The following CTNNA2 variants were observed in gnomAD, a reference collection of about 807,000 sequenced individuals.
CTNNA2 encodes the protein catenin alpha-2.
In CTNNA2, 42 loss-of-function variants were observed where a neutral mutation model predicts 101.0. The ratio of observed to expected loss-of-function variants is 0.42; its 90% confidence interval spans 0.32 to 0.54. CTNNA2 has a LOEUF of 0.54. Ranked by LOEUF, CTNNA2 falls within the 20% of genes least tolerant of loss-of-function variation. CTNNA2 has a pLI of 0.14. For missense variants in CTNNA2, 871 were observed against 1,223.1 expected (o/e 0.71, Z 4.29); for synonymous variants, 450 against 456.4 (o/e 0.99, Z 0.18).
rs991718783 is a variant in CTNNA2 at position 79,338,535 on chromosome 2, T to C, written c.-318+25739T>C. On this transcript the variant is annotated intron_variant, in intron 3 of 21. Coordinates refer to the CTNNA2 transcript ENST00000466387. ...AGGGACATGAAAATACTTTAAGAAGTGAGTAAAGAGGACCATTTTTCTTCT... is the reference window on the plus strand; with the variant it reads ...AGGGACATGAAAATACTTTAAGAAGCGAGTAAAGAGGACCATTTTTCTTCT... Among the ~76,000 whole-genome samples the C allele has an allele frequency of 6.5e-4, 98 of 151,604 alleles. 1 individual carries two copies. The highest frequency in any genetic ancestry group is 8.8e-5 in the Non-Finnish European group (6 of 67,856).
intron 4 of CTNNA2, among the ~76,000 whole-genome samples, chr2:79,863,065 A>T (rs1032319119): frequency 6.6e-6 from 1 of 152,124 alleles, no homozygotes; most frequent in Non-Finnish European, 1.5e-5. Context: ...GTGCTTGCCA[A>T]CCGTTTTGAA....
Position 80,512,414 on chromosome 2 carries a change from A to G in CTNNA2, c.1291-32568A>G, listed in dbSNP as rs558686555. On this transcript the variant is annotated intron_variant, in intron 9 of 18. Transcript: ENST00000402739. The stretch of plus-strand genomic sequence containing the variant: ...GAAAATGGTAATAATTCCATGGCTG[A>G]GACTCTGGCTGTGTAGGTTTAAAAG... 3.9e-5 allele frequency among the ~76,000 whole-genome samples: 6 copies of G among 152,262 alleles called. No individual in the cohort carries two copies. The East Asian group carries it at 7.7e-4, about 20-fold the overall frequency.
At chr2:80,606,367 AACACACACAC>A (rs67402125) in intron 16 of CTNNA2, among the ~76,000 whole-genome samples, 125 of 137,502 alleles carry the variant, frequency 9.1e-4, no homozygotes, top group African/African-American at 2.6e-3. Context: ...AAACACATCA[AACACACACAC>A]ACACACACAC....
At chr2:79,505,249 G>T (rs926092200) in intron 5 of CTNNA2, 1 of 152,104 alleles carries the variant, frequency 6.6e-6, no homozygotes, top group Admixed American at 6.6e-5. Flanking sequence ...GTTGCTAATC[G>T]TTGGTTTTTT....
At chr2:79,467,559 C>A (rs2104542759) in intron 4 of CTNNA2, among the ~76,000 whole-genome samples, 1 of 152,182 alleles carries the variant, frequency 6.6e-6, no homozygotes, top group East Asian at 1.9e-4. Flanking sequence ...AAGAGCAACT[C>A]CAAGACACAT....
intron 7 of CTNNA2, among the ~76,000 whole-genome samples, chr2:80,259,856 A>T (rs1672462054): frequency 1.3e-5 from 2 of 152,190 alleles, no homozygotes; most frequent in South Asian, 4.1e-4. Flanking sequence ...CCCCTGTCTA[A>T]GTTACAAAGC....
At chr2:80,023,774 G>T (rs1694739436) in intron 7 of CTNNA2, among the ~76,000 whole-genome samples, 3 of 152,148 alleles carry the variant, frequency 2.0e-5, no homozygotes, top group Non-Finnish European at 4.4e-5. Context: ...TATAGTTGCT[G>T]CCCCCAGAGG....
At chr2:79,279,274 A>C (rs536205188) in intron 2 of CTNNA2, among the ~76,000 whole-genome samples, 4 of 152,238 alleles carry the variant, frequency 2.6e-5, no homozygotes, top group Non-Finnish European at 4.4e-5. Context: ...TCGCATAGAA[A>C]AGACAAAGTT....
chr2:80,597,990 A>C (rs1265310372), intron 15 of CTNNA2, among the ~76,000 whole-genome samples: 2 of 152,200 alleles, frequency 1.3e-5, no homozygotes, highest in African/African-American at 4.8e-5. Flanking sequence ...TTCTACTACA[A>C]AGACACTTGC....
At chr2:79,799,001 A>G (rs917003511) in intron 3 of CTNNA2, among the ~76,000 whole-genome samples, 3 of 152,172 alleles carry the variant, frequency 2.0e-5, no homozygotes, top group African/African-American at 7.2e-5. Context: ...AGGATAAATT[A>G]TCCTGCTATA....
chr2:80,623,902 ATAGTT>A (rs1279908712), intron 18 of CTNNA2, among the ~76,000 whole-genome samples: 3 of 151,982 alleles, frequency 2.0e-5, no homozygotes, highest in Non-Finnish European at 4.4e-5. Flanking sequence ...TTTGGGAAAA[ATAGTT>A]TAGGGTAGTA....
At chr2:79,935,803 C>G (rs1021691680) in intron 7 of CTNNA2, among the ~76,000 whole-genome samples, 1 of 152,108 alleles carries the variant, frequency 6.6e-6, no homozygotes, top group African/African-American at 2.4e-5. Flanking sequence ...AATAATACAC[C>G]TTGTGTTATT....
intron 1 of CTNNA2, among the ~76,000 whole-genome samples, chr2:79,602,964 GTTCACATA>G: frequency 6.6e-6 from 1 of 152,250 alleles, no homozygotes; most frequent in African/African-American, 2.4e-5. Context: ...CGAATCTGAA[GTTCACATA>G]TTAGTCAAAA....
intron 3 of CTNNA2, among the ~76,000 whole-genome samples, chr2:79,836,440 A>G (rs1016248533): frequency 3.9e-5 from 6 of 152,188 alleles, no homozygotes; most frequent in African/African-American, 1.2e-4. Context: ...ATTTAGATGA[A>G]TCATTTCACA....
At chr2:79,544,346 A>T (rs777461048) in intron 1 of CTNNA2, among the ~76,000 whole-genome samples, 1 of 152,204 alleles carries the variant, frequency 6.6e-6, no homozygotes, top group Non-Finnish European at 1.5e-5. Flanking sequence ...AAGACAAACC[A>T]CAAAATGACT....
chr2:79,940,362 A>G (rs1228285484), intron 7 of CTNNA2, among the ~76,000 whole-genome samples: 1 of 152,228 alleles, frequency 6.6e-6, no homozygotes, highest in Non-Finnish European at 1.5e-5. Flanking sequence ...GTTTTTAAAG[A>G]TAATTGCAAA....
At chr2:79,974,817 A>G (rs1045001243) in intron 7 of CTNNA2, among the ~76,000 whole-genome samples, 8 of 152,220 alleles carry the variant, frequency 5.3e-5, no homozygotes, top group African/African-American at 1.9e-4. Flanking sequence ...ACATTAATCA[A>G]TGAGAAGAAA....
At chr2:79,962,996 G>T (rs951080563) in intron 7 of CTNNA2, among the ~76,000 whole-genome samples, 5 of 147,892 alleles carry the variant, frequency 3.4e-5, no homozygotes, top group Non-Finnish European at 7.4e-5. Context: ...GTGTGAACCC[G>T]GGAGGCGGAA....
At chr2:80,089,472 C>T (rs1252350398) in intron 7 of CTNNA2, among the ~76,000 whole-genome samples, 1 of 151,890 alleles carries the variant, frequency 6.6e-6, no homozygotes, top group Non-Finnish European at 1.5e-5. Flanking sequence ...GGCCTGTATG[C>T]TAAACTTGAC....
Sources: allele counts gnomAD v4.1 joint callset (sites outside exome capture counted in the v4.1 genomes callset), GRCh38; gene constraint gnomAD v4.1.1; transcripts MANE v1.5; gene names NCBI Gene and HGNC (gene_info 2026-07-23, HGNC 2026-07-21).